Variants in GNB4 observed in about 807,000 individuals in gnomAD.
GNB4 encodes the protein G protein subunit beta 4.
A neutral mutation model predicts 45.2 loss-of-function variants in GNB4; 28 were observed. The observed-to-expected ratio is 0.62, with a 90% CI of 0.46 to 0.85. The LOEUF is 0.85. GNB4 is among the 40% of genes least tolerant of loss of function. The probability of loss-of-function intolerance (pLI) is 0.00; values close to 1 mark genes in which losing one functional copy is unlikely to be tolerated. For missense variants in GNB4, 321 were observed against 425.4 expected, an observed-to-expected ratio of 0.75 and a Z score of 2.16; for synonymous variants, 132 against 143.7, an observed-to-expected ratio of 0.92 and a Z score of 0.58.
At chr3:179,404,112 C>CT (rs1272841624) in intron 9 of GNB4, among the ~76,000 whole-genome samples, 2 of 151,960 alleles carry the variant, frequency 1.3e-5, no homozygotes, top group East Asian at 1.9e-4. Context: ...CACATAGAAA[C>CT]TAAGAATATA....
chr3:179,465,915 G>T, the GNB4 span, among the ~76,000 whole-genome samples: 2 of 147,508 alleles, frequency 1.4e-5, no homozygotes, highest in Non-Finnish European at 3.0e-5. Flanking sequence ...TCTTGCCTCA[G>T]CCTCCCAGAG....
At chr3:179,500,615 T>G in the GNB4 span, among the ~76,000 whole-genome samples, 1 of 152,220 alleles carries the variant, frequency 6.6e-6, no homozygotes, top group Non-Finnish European at 1.5e-5. Context: ...TCCAATTCTG[T>G]GATGAAAGTC....
the GNB4 span, among the ~76,000 whole-genome samples, chr3:179,509,164 T>TAC: frequency 1.4e-5 from 1 of 72,984 alleles, no homozygotes; most frequent in African/African-American, 4.8e-5. Context: ...TGCATATATA[T>TAC]ACATACACAC....
upstream of GNB4, among the ~76,000 whole-genome samples, chr3:179,454,699 A>G (rs1257749211): frequency 6.6e-6 from 1 of 152,232 alleles, no homozygotes; most frequent in Non-Finnish European, 1.5e-5. Flanking sequence ...ACCGTGAAGA[A>G]CACAGCTATT....
chr3:179,486,387 A>T, the GNB4 span, among the ~76,000 whole-genome samples: 1 of 152,082 alleles, frequency 6.6e-6, no homozygotes, highest in Non-Finnish European at 1.5e-5. Context: ...CTGATTTTGC[A>T]TTGTTCTCCA....
the GNB4 span, among the ~76,000 whole-genome samples, chr3:179,490,533 C>G: frequency 1.3e-5 from 2 of 152,248 alleles, no homozygotes; most frequent in South Asian, 4.1e-4. Context: ...GCTGGAGACC[C>G]TGGAATGTCA....
chr3:179,423,215 G>T (rs1420969330), intron 2 of GNB4, among the ~76,000 whole-genome samples: 1 of 152,172 alleles, frequency 6.6e-6, no homozygotes, highest in African/African-American at 2.4e-5. Context: ...ACGACATTGT[G>T]CTTGGGATGC....
At chr3:179,404,112 C>G (rs1194599649) in intron 9 of GNB4, among the ~76,000 whole-genome samples, 1 of 151,960 alleles carries the variant, frequency 6.6e-6, no homozygotes, top group Non-Finnish European at 1.5e-5. Flanking sequence ...CACATAGAAA[C>G]TAAGAATATA....
At chr3:179,517,356 C>A in the GNB4 span, among the ~76,000 whole-genome samples, 8 of 152,132 alleles carry the variant, frequency 5.3e-5, no homozygotes, top group African/African-American at 1.9e-4. Context: ...TATAAAACGG[C>A]CCCACCCCTA....
At chr3:179,409,659 A>C (rs1714585746) in intron 8 of GNB4, among the ~76,000 whole-genome samples, 1 of 151,632 alleles carries the variant, frequency 6.6e-6, no homozygotes, top group Admixed American at 6.6e-5. Flanking sequence ...AAAATTCAAA[A>C]ATTAGCTGGG....
intron 8 of GNB4, among the ~76,000 whole-genome samples, chr3:179,406,370 G>GT (rs1232113263): frequency 3.3e-5 from 5 of 152,120 alleles, no homozygotes; most frequent in Non-Finnish European, 7.3e-5. Flanking sequence ...TATATGTAGT[G>GT]TATTTCCTCC....
chr3:179,439,541 T>C (rs1329820366), intron 1 of GNB4, among the ~76,000 whole-genome samples: 1 of 152,140 alleles, frequency 6.6e-6, no homozygotes, highest in Non-Finnish European at 1.5e-5. Flanking sequence ...CCTAAAGCAG[T>C]TCTGTTGAAG....
Position 179,401,294 on chromosome 3 carries a change from AC to A in GNB4, c.941del (p.Arg314LeufsTer2). The A allele has an allele frequency of 1.2e-6, 2 of 1,612,948 alleles. No individual in the cohort carries two copies. The highest frequency in any genetic ancestry group is 1.7e-6 in the Non-Finnish European group (2 of 1,179,442). ...RAGVLAGHDN[R>X]VSCLGVTDDG... ...CATCAGTTACACCTAAGCAGCTCAC[AC>A]GGTTGTCATGACCAGCAAGGACACC... On this transcript the variant is annotated frameshift_variant, in exon 10 of 10. Coordinates refer to ENST00000232564, the MANE Select transcript of GNB4 (RefSeq NM_021629.4). LOFTEE classifies it high-confidence loss of function.
intron 9 of GNB4, among the ~76,000 whole-genome samples, chr3:179,404,783 A>C (rs1714414981): frequency 6.6e-6 from 1 of 152,106 alleles, no homozygotes; most frequent in South Asian, 2.1e-4. Flanking sequence ...GCAGAGGAGG[A>C]CTCAGGGTAT....
the GNB4 span, among the ~76,000 whole-genome samples, chr3:179,499,303 G>A: frequency 7.2e-5 from 11 of 151,886 alleles, no homozygotes; most frequent in Non-Finnish European, 1.0e-4. Flanking sequence ...GACTACAGGC[G>A]CCTGCCACCA....
At chr3:179,436,258 C>T (rs112028275) in intron 1 of GNB4, among the ~76,000 whole-genome samples, 2,813 of 152,110 alleles carry the variant, frequency 0.018, 87 homozygotes, top group African/African-American at 0.064. Context: ...ATTAGCCAGG[C>T]GCATGCCTAT....
At chr3:179,431,218 C>T (rs1715299515) in intron 1 of GNB4, among the ~76,000 whole-genome samples, 1 of 152,144 alleles carries the variant, frequency 6.6e-6, no homozygotes, top group Non-Finnish European at 1.5e-5. Context: ...AAGTATCCAT[C>T]TCCTGCCTGC....
At chr3:179,504,768 G>T in the GNB4 span, among the ~76,000 whole-genome samples, 1 of 152,124 alleles carries the variant, frequency 6.6e-6, no homozygotes, top group African/African-American at 2.4e-5. Flanking sequence ...GGACCAGACC[G>T]GACACTGCAG....
At chr3:179,498,627 G>A in the GNB4 span, among the ~76,000 whole-genome samples, 5 of 151,972 alleles carry the variant, frequency 3.3e-5, no homozygotes, top group African/African-American at 1.2e-4. Context: ...TGGAGCCAGG[G>A]TTTCACCATG....
Sources: gnomAD v4.1 joint callset for allele counts (sites outside exome capture counted in the v4.1 genomes callset) on GRCh38, gnomAD v4.1.1 for gene constraint, MANE v1.5 for transcripts, NCBI Gene and HGNC (gene_info 2026-07-23, HGNC 2026-07-21) for gene names.